The following PRKD1 variants were observed in gnomAD, a reference collection of about 807,000 sequenced individuals.
The protein encoded by PRKD1 is protein kinase D1.
A neutral mutation model predicts 95.9 loss-of-function variants in PRKD1; 63 were observed. The ratio of observed to expected loss-of-function variants is 0.66; its 90% CI spans 0.54 to 0.81. The LOEUF is 0.81. Among genes scored for constraint, PRKD1 ranks in the 30% least tolerant of loss-of-function variants. PRKD1 has a pLI of 0.00. For missense variants in PRKD1, 1,048 were observed against 1,165.3 expected (o/e 0.90, Z 1.47); for synonymous variants, 425 against 423.1 (o/e 1.00, Z -0.05).
chr14:29,925,121 C>A (rs1050453818), intron 1 of PRKD1, among the ~76,000 whole-genome samples: 2 of 152,078 alleles, frequency 1.3e-5, no homozygotes, highest in African/African-American at 4.8e-5. Context: ...TTTCAAACTT[C>A]TTTGAGAGAG....
intron 1 of PRKD1, among the ~76,000 whole-genome samples, chr14:29,792,638 G>A (rs1043614311): frequency 6.6e-6 from 1 of 152,026 alleles, no homozygotes; most frequent in African/African-American, 2.4e-5. Flanking sequence ...GTATCTCAGT[G>A]ACAGCGGCAG....
chr14:29,680,810 A>G (rs1217683306), intron 2 of PRKD1, among the ~76,000 whole-genome samples: 1 of 152,188 alleles, frequency 6.6e-6, no homozygotes, highest in Non-Finnish European at 1.5e-5. Context: ...GAGATGTAAA[A>G]AGTAAAGCAT....
At chr14:29,815,048 C>T (rs540984868) in intron 1 of PRKD1, among the ~76,000 whole-genome samples, 10 of 152,244 alleles carry the variant, frequency 6.6e-5, no homozygotes, top group South Asian at 4.1e-4. Context: ...AAATCAACTG[C>T]GGCTCCAAGT....
intron 1 of PRKD1, among the ~76,000 whole-genome samples, chr14:29,762,762 G>T (rs1371721788): frequency 9.0e-6 from 1 of 111,502 alleles, no homozygotes; most frequent in African/African-American, 3.3e-5. Flanking sequence ...CTATACTAAG[G>T]TATTTTATTT....
At chr14:29,892,833 G>T (rs1484631276) in intron 1 of PRKD1, among the ~76,000 whole-genome samples, 1 of 152,184 alleles carries the variant, frequency 6.6e-6, no homozygotes, top group Non-Finnish European at 1.5e-5. Flanking sequence ...ATGGCTTCAT[G>T]CACTGCTTAC....
At chr14:29,739,638 G>C (rs1266562759) in intron 1 of PRKD1, among the ~76,000 whole-genome samples, 1 of 152,142 alleles carries the variant, frequency 6.6e-6, no homozygotes, top group African/African-American at 2.4e-5. Context: ...TGTCCTACAA[G>C]ATATAGAAAT....
At chr14:29,774,580 G>T (rs2139147841) in intron 1 of PRKD1, among the ~76,000 whole-genome samples, 2 of 152,320 alleles carry the variant, frequency 1.3e-5, no homozygotes, top group South Asian at 4.1e-4. Context: ...ACAGCAATTT[G>T]CTGGAATACA....
chr14:29,737,716 G>A (rs2139426575), intron 1 of PRKD1, among the ~76,000 whole-genome samples: 1 of 152,268 alleles, frequency 6.6e-6, no homozygotes, highest in East Asian at 1.9e-4. Flanking sequence ...AGCTCCCTTG[G>A]TGGAGTGGTT....
chr14:29,594,112 G>A (rs1327751033), intron 16 of PRKD1: 1 of 455,318 alleles, frequency 2.2e-6, no homozygotes, highest in East Asian at 7.0e-5. Context: ...GGATCAAGCA[G>A]TGCAATGACT....
chr14:29,683,805 T>A (rs944764098), intron 2 of PRKD1, among the ~76,000 whole-genome samples: 2 of 152,222 alleles, frequency 1.3e-5, no homozygotes, highest in African/African-American at 2.4e-5. Context: ...TCTTATTTAA[T>A]CCTGACCCCA....
At chr14:29,796,941 T>C (rs544427996) in intron 1 of PRKD1, among the ~76,000 whole-genome samples, 2 of 152,336 alleles carry the variant, frequency 1.3e-5, no homozygotes, top group East Asian at 3.9e-4. Flanking sequence ...TTATTTGTTT[T>C]TTAAGACAAA....
At chr14:29,581,228 C>T (rs756147932) in intron 16 of PRKD1, among the ~76,000 whole-genome samples, 3 of 152,028 alleles carry the variant, frequency 2.0e-5, no homozygotes, top group Admixed American at 6.6e-5. Context: ...CTGTACACCT[C>T]GATTTTAATA....
At chr14:29,704,735 T>C (rs1188955126) in intron 2 of PRKD1, among the ~76,000 whole-genome samples, 1 of 152,204 alleles carries the variant, frequency 6.6e-6, no homozygotes, top group Non-Finnish European at 1.5e-5. Context: ...ATATGTTCAA[T>C]GACTTCATAC....
chr14:29,763,084 T>G (rs929435962), intron 1 of PRKD1, among the ~76,000 whole-genome samples: 8 of 138,206 alleles, frequency 5.8e-5, no homozygotes, highest in Non-Finnish European at 1.2e-4. Context: ...AGCACAGGAG[T>G]TGGAGACCTG....
chr14:29,762,098 G>A (rs1383271454), intron 1 of PRKD1, among the ~76,000 whole-genome samples: 1 of 152,132 alleles, frequency 6.6e-6, no homozygotes, highest in Non-Finnish European at 1.5e-5. Flanking sequence ...GCTCTTGAAA[G>A]AAGATGGGGG....
chr14:29,638,469 A>G lies in PRKD1; in HGVS notation c.985+20T>C, dbSNP rs766574604. The G allele has an allele frequency of 1.2e-6, 2 of 1,612,170 alleles. No homozygotes were observed. Among genetic ancestry groups the G allele is most frequent in the Non-Finnish European group, 1.7e-6 (2 of 1,178,202 alleles). ...CTAATATGGAAGAAGCACAGACATG[A>G]CAGCTGATCTTTTACCTACCTCCAT... On this transcript the variant is annotated intron_variant, in intron 6 of 17. Coordinates refer to ENST00000331968, the MANE Select transcript of PRKD1 (RefSeq NM_002742.3).
intron 1 of PRKD1, among the ~76,000 whole-genome samples, chr14:29,729,036 G>T (rs1221598807): frequency 6.6e-6 from 1 of 152,042 alleles, no homozygotes; most frequent in African/African-American, 2.4e-5. Context: ...TTTATAAAAA[G>T]CCCACTCTAT....
At chr14:29,817,466 A>C (rs1435055580) in intron 1 of PRKD1, among the ~76,000 whole-genome samples, 1 of 152,216 alleles carries the variant, frequency 6.6e-6, no homozygotes, top group African/African-American at 2.4e-5. Context: ...TGAAGACTAT[A>C]ATAAGATTAA....
intron 1 of PRKD1, among the ~76,000 whole-genome samples, chr14:29,794,882 C>T (rs45437891): frequency 6.6e-6 from 1 of 152,094 alleles, no homozygotes; most frequent in Non-Finnish European, 1.5e-5. Flanking sequence ...TTTATACTAG[C>T]AGCAATGTGT....
Sources: gnomAD v4.1 joint callset for allele counts (sites outside exome capture counted in the v4.1 genomes callset) on GRCh38, gnomAD v4.1.1 for gene constraint, MANE v1.5 for transcripts, NCBI Gene and HGNC (gene_info 2026-07-23, HGNC 2026-07-21) for gene names.